The following MTUS2 variants were observed in gnomAD, a reference collection of about 807,000 sequenced individuals.
MTUS2 encodes microtubule-associated tumor suppressor candidate 2.
Under a neutral mutation model 114.1 loss-of-function variants are expected in MTUS2, and 40 were observed. That is an observed-to-expected ratio of 0.35 (90% CI 0.27 to 0.46). The LOEUF (loss-of-function observed/expected upper bound fraction) is 0.46, where lower values mean the gene tolerates loss of function less well. Among genes scored for constraint, MTUS2 ranks in the 20% least tolerant of loss-of-function variants. The pLI, the probability that MTUS2 is intolerant of heterozygous loss-of-function variation, is 1.00. For missense variants in MTUS2, 1,679 were observed against 1,705.4 expected (o/e 0.98, Z 0.27); for synonymous variants, 688 against 672.0 (o/e 1.02, Z -0.37).
At chr13:29,178,196 A>G (rs1386299627) in intron 5 of MTUS2, among the ~76,000 whole-genome samples, 1 of 152,148 alleles carries the variant, frequency 6.6e-6, no homozygotes, top group Non-Finnish European at 1.5e-5. Context: ...AACAACAGAA[A>G]TGCTATAAAA....
intron 5 of MTUS2, among the ~76,000 whole-genome samples, chr13:29,210,941 G>A (rs184680505): frequency 1.5e-4 from 23 of 152,278 alleles, no homozygotes; most frequent in Admixed American, 2.0e-4. Context: ...AGTCTCAGCC[G>A]CAGTAGTGTA....
chr13:29,362,291 G>A (rs538568418), intron 8 of MTUS2, among the ~76,000 whole-genome samples: 1 of 152,206 alleles, frequency 6.6e-6, no homozygotes, highest in South Asian at 2.1e-4. Context: ...AGCTGGCAAA[G>A]GCACTTTTTT....
chr13:28,934,369 C>T (rs1385156720), intron 2 of MTUS2, among the ~76,000 whole-genome samples: 1 of 152,134 alleles, frequency 6.6e-6, no homozygotes, highest in Non-Finnish European at 1.5e-5. Flanking sequence ...TCTAGATTCA[C>T]TCACTGTTAC....
chr13:28,857,896 A>G (rs937510267), intron 2 of MTUS2, among the ~76,000 whole-genome samples: 2 of 152,150 alleles, frequency 1.3e-5, no homozygotes, highest in Non-Finnish European at 2.9e-5. Flanking sequence ...TCTCTGCTAC[A>G]TGCCCTGAGT....
chr13:29,314,729 A>C (rs17657154), intron 6 of MTUS2, among the ~76,000 whole-genome samples: 32,006 of 152,092 alleles, frequency 0.21, 3,493 homozygotes, highest in Non-Finnish European at 0.23. Flanking sequence ...TGTTGTTTAA[A>C]ACCTTGCAGA....
chr13:28,902,203 A>T (rs1243915016), intron 2 of MTUS2, among the ~76,000 whole-genome samples: 2 of 152,172 alleles, frequency 1.3e-5, no homozygotes, highest in African/African-American at 2.4e-5. Context: ...TGCTGAACTT[A>T]TTATTTCCAG....
chr13:29,175,023 T>A (rs779594692), intron 5 of MTUS2, among the ~76,000 whole-genome samples: 1 of 152,184 alleles, frequency 6.6e-6, no homozygotes, highest in Non-Finnish European at 1.5e-5. Context: ...AATGAATAGC[T>A]TGAATCTAAG....
chr13:29,151,859 ACCCTTGCAT>A (rs1892674387), intron 5 of MTUS2, among the ~76,000 whole-genome samples: 1 of 152,108 alleles, frequency 6.6e-6, no homozygotes, highest in Admixed American at 6.5e-5. Flanking sequence ...ATGTTGAACC[ACCCTTGCAT>A]CCCAGGAGAA....
intron 8 of MTUS2, among the ~76,000 whole-genome samples, chr13:29,369,843 T>A (rs1433734468): frequency 6.6e-6 from 1 of 152,232 alleles, no homozygotes; most frequent in Non-Finnish European, 1.5e-5. Context: ...CTCAAATTCT[T>A]CTTCAATAAT....
intron 11 of MTUS2, among the ~76,000 whole-genome samples, chr13:29,490,302 A>G (rs1398270697): frequency 6.6e-6 from 1 of 152,174 alleles, no homozygotes; most frequent in Non-Finnish European, 1.5e-5. Flanking sequence ...GAAAACCACA[A>G]AGTTTTTCCT....
chr13:28,981,180 T>C (rs1884342388), intron 2 of MTUS2, among the ~76,000 whole-genome samples: 1 of 152,208 alleles, frequency 6.6e-6, no homozygotes, highest in Admixed American at 6.5e-5. Flanking sequence ...GTAAATTTCA[T>C]TATGTATATT....
intron 2 of MTUS2, among the ~76,000 whole-genome samples, chr13:28,958,282 A>T (rs1448525841): frequency 2.0e-5 from 3 of 152,184 alleles, no homozygotes; most frequent in African/African-American, 7.2e-5. Flanking sequence ...AGCTGTCTGT[A>T]CTTGGCGTGG....
At chr13:29,101,340 A>G (rs1401597788) in intron 5 of MTUS2, among the ~76,000 whole-genome samples, 1 of 151,996 alleles carries the variant, frequency 6.6e-6, no homozygotes, top group Non-Finnish European at 1.5e-5. Flanking sequence ...TAGCTGAAAG[A>G]ATCATTTAGT....
At chr13:29,195,792 C>G (rs73447256) in intron 5 of MTUS2, among the ~76,000 whole-genome samples, 1 of 152,024 alleles carries the variant, frequency 6.6e-6, no homozygotes, top group Admixed American at 6.5e-5. Context: ...GAAGCAAAAA[C>G]CAGTGTGATG....
At chr13:29,345,388 GTTAATTCAAAAGCC>G (rs1868564755) in intron 7 of MTUS2, among the ~76,000 whole-genome samples, 1 of 151,664 alleles carries the variant, frequency 6.6e-6, no homozygotes, top group African/African-American at 2.4e-5. Context: ...GTTGGAATGG[GTTAATTCAAAAGCC>G]TTGCCTTCGA....
chr13:28,907,848 A>G (rs890839447), intron 2 of MTUS2, among the ~76,000 whole-genome samples: 5 of 151,488 alleles, frequency 3.3e-5, no homozygotes, highest in Admixed American at 6.6e-5. Flanking sequence ...GATAATCGAG[A>G]CAGAAAGTTG....
intron 9 of MTUS2, among the ~76,000 whole-genome samples, chr13:29,442,158 C>T (rs940580293): frequency 1.3e-5 from 2 of 152,152 alleles, no homozygotes; most frequent in East Asian, 1.9e-4. Flanking sequence ...TTGGAGATGG[C>T]CCCTGATGAC....
At chr13:29,229,997 A>G (rs892317510) in intron 5 of MTUS2, among the ~76,000 whole-genome samples, 11 of 152,234 alleles carry the variant, frequency 7.2e-5, no homozygotes, top group African/African-American at 2.4e-4. Flanking sequence ...CTGTAATCCC[A>G]GCACTTTGGG....
intron 4 of MTUS2, among the ~76,000 whole-genome samples, chr13:29,096,752 G>A (rs1456780539): frequency 6.6e-6 from 1 of 152,194 alleles, no homozygotes; most frequent in African/African-American, 2.4e-5. Flanking sequence ...TGGGGTTGGG[G>A]ACAGTGGACT....
Sources: allele counts gnomAD v4.1 joint callset (sites outside exome capture counted in the v4.1 genomes callset), GRCh38; gene constraint gnomAD v4.1.1; transcripts MANE v1.5; gene names NCBI Gene and HGNC (gene_info 2026-07-23, HGNC 2026-07-21).